Variants in PALM2AKAP2 observed in about 807,000 individuals in gnomAD.
PALM2AKAP2 encodes the protein PALM2-AKAP2 fusion protein.
Under a neutral mutation model 71.5 loss-of-function variants are expected in PALM2AKAP2, and 37 were observed. The observed-to-expected ratio is 0.52, with a 90% CI of 0.40 to 0.68. The LOEUF is 0.68. Among genes scored for constraint, PALM2AKAP2 ranks in the 30% least tolerant of loss-of-function variants. The pLI is 0.00. For missense variants in PALM2AKAP2, 1,224 were observed against 1,191.8 expected (o/e 1.03, Z -0.40); for synonymous variants, 468 against 478.8 (o/e 0.98, Z 0.29).
At chr9:109,712,995 T>A (rs1301804303) in intron 1 of PALM2AKAP2, among the ~76,000 whole-genome samples, 2 of 152,204 alleles carry the variant, frequency 1.3e-5, no homozygotes, top group East Asian at 3.9e-4. Context: ...ACAGTCCAGA[T>A]GAATGGATGG....
At chr9:109,850,947 G>A (rs552851515) in intron 1 of PALM2AKAP2, among the ~76,000 whole-genome samples, 27 of 152,210 alleles carry the variant, frequency 1.8e-4, no homozygotes, top group South Asian at 1.2e-3. Context: ...GGAGGCCGAG[G>A]CGGGCGGATC....
chr9:109,856,521 A>G (rs1408095986), intron 1 of PALM2AKAP2, among the ~76,000 whole-genome samples: 3 of 152,236 alleles, frequency 2.0e-5, no homozygotes, highest in Admixed American at 2.0e-4. Context: ...AGGATGCATA[A>G]AGGACTAATA....
chr9:109,741,764 G>C (rs1473211476), intron 1 of PALM2AKAP2, among the ~76,000 whole-genome samples: 7 of 152,204 alleles, frequency 4.6e-5, no homozygotes, highest in African/African-American at 1.7e-4. Flanking sequence ...TTAGCTCTAA[G>C]ATCCATCTTA....
intron 1 of PALM2AKAP2, among the ~76,000 whole-genome samples, chr9:109,854,763 C>CGT (rs1829111719): frequency 1.5e-5 from 1 of 66,158 alleles, no homozygotes; most frequent in South Asian, 7.2e-4. Flanking sequence ...AAGAATGTAT[C>CGT]TTTTTTTTTT....
chr9:110,099,809 G>C (rs1453115172), intron 1 of PALM2AKAP2, among the ~76,000 whole-genome samples: 1 of 151,750 alleles, frequency 6.6e-6, no homozygotes, highest in Non-Finnish European at 1.5e-5. Flanking sequence ...TGATGGAGAG[G>C]GCTTTCAATT....
chr9:109,877,529 G>T (rs950611092), intron 2 of PALM2AKAP2, among the ~76,000 whole-genome samples: 2 of 152,154 alleles, frequency 1.3e-5, no homozygotes, highest in Non-Finnish European at 2.9e-5. Context: ...AGGCTTCTCT[G>T]GTGGTATTTT....
intron 6 of PALM2AKAP2, among the ~76,000 whole-genome samples, chr9:110,004,660 G>A (rs56410517): frequency 0.025 from 3,762 of 152,210 alleles, 69 homozygotes; most frequent in South Asian, 0.1. Flanking sequence ...GTCACTTTCA[G>A]GTACACCAAT....
At chr9:109,665,228 C>T (rs1338961096) in intron 1 of PALM2AKAP2, among the ~76,000 whole-genome samples, 1 of 152,184 alleles carries the variant, frequency 6.6e-6, no homozygotes, top group Non-Finnish European at 1.5e-5. Flanking sequence ...TGTTCCATTG[C>T]TGGCAAGTAC....
intron 1 of PALM2AKAP2, among the ~76,000 whole-genome samples, chr9:110,091,410 GT>G (rs2118788977): frequency 6.7e-6 from 1 of 149,688 alleles, no homozygotes; most frequent in East Asian, 2.0e-4. Flanking sequence ...TGGGGTGTGT[GT>G]GTGTGTGTGT....
intron 1 of PALM2AKAP2, among the ~76,000 whole-genome samples, chr9:109,734,552 A>G (rs1460250067): frequency 6.6e-6 from 1 of 152,234 alleles, no homozygotes; most frequent in African/African-American, 2.4e-5. Flanking sequence ...CTCTTTGCAG[A>G]CAATTCAATT....
At chr9:109,755,703 C>T (rs1828948183) in intron 1 of PALM2AKAP2, among the ~76,000 whole-genome samples, 1 of 151,826 alleles carries the variant, frequency 6.6e-6, no homozygotes, top group South Asian at 2.1e-4. Flanking sequence ...CCCACCTCCA[C>T]CCCCTTAGTA....
chr9:110,079,443 C>T (rs1459672856), intron 1 of PALM2AKAP2, among the ~76,000 whole-genome samples: 1 of 152,112 alleles, frequency 6.6e-6, no homozygotes, highest in Admixed American at 6.5e-5. Context: ...TTGCAGTGAG[C>T]CGAGATCGTG....
intron 1 of PALM2AKAP2, among the ~76,000 whole-genome samples, chr9:109,753,588 A>G (rs1192937183): frequency 6.6e-6 from 1 of 152,132 alleles, no homozygotes; most frequent in African/African-American, 2.4e-5. Context: ...ACAGTTTCTG[A>G]CCTGTTTCCA....
chr9:109,956,405 T>G (rs1831749368), intron 6 of PALM2AKAP2, among the ~76,000 whole-genome samples: 1 of 152,232 alleles, frequency 6.6e-6, no homozygotes, highest in Non-Finnish European at 1.5e-5. Context: ...CCTATTCTCT[T>G]CAGGCCAGGG....
At chr9:109,971,994 C>T (rs1245112394) in intron 6 of PALM2AKAP2, among the ~76,000 whole-genome samples, 2 of 152,194 alleles carry the variant, frequency 1.3e-5, no homozygotes, top group East Asian at 1.9e-4. Flanking sequence ...CACCAGAGTT[C>T]GTCTCTCATC....
chr9:109,744,073 T>C (rs1298463816), intron 1 of PALM2AKAP2, among the ~76,000 whole-genome samples: 4 of 152,064 alleles, frequency 2.6e-5, no homozygotes, highest in Non-Finnish European at 5.9e-5. Flanking sequence ...AGTTAACAAC[T>C]CAAGAGCAGA....
At chr9:110,058,458 C>T (rs1050480657) in intron 1 of PALM2AKAP2, among the ~76,000 whole-genome samples, 8 of 152,196 alleles carry the variant, frequency 5.3e-5, no homozygotes, top group Non-Finnish European at 8.8e-5. Flanking sequence ...CCTTCTGTTT[C>T]TTCATTTTAT....
intron 3 of PALM2AKAP2, among the ~76,000 whole-genome samples, chr9:109,898,056 TACTTA>T (rs1279073591): frequency 2.0e-5 from 3 of 152,264 alleles, no homozygotes; most frequent in Non-Finnish European, 4.4e-5. Context: ...AAATATAATT[TACTTA>T]ACTGCTCTAT....
intron 6 of PALM2AKAP2, among the ~76,000 whole-genome samples, chr9:109,971,283 CTTTTTTTTTTTTTT>C (rs11392589): frequency 3.1e-4 from 14 of 45,640 alleles, no homozygotes; most frequent in African/African-American, 1.5e-3. Flanking sequence ...CTCTTAGTCC[CTTTTTTTTTTTTTT>C]TTTTTTTTTT....
Sources: gnomAD v4.1 joint callset for allele counts (sites outside exome capture counted in the v4.1 genomes callset) on GRCh38, gnomAD v4.1.1 for gene constraint, MANE v1.5 for transcripts, NCBI Gene and HGNC (gene_info 2026-07-23, HGNC 2026-07-21) for gene names.